Variants in GIGYF2 observed in about 807,000 individuals in gnomAD.
GIGYF2 encodes GRB10-interacting GYF protein 2.
A neutral mutation model predicts 208.1 loss-of-function variants in GIGYF2; 25 were observed. The observed-to-expected ratio is 0.12, with a 90% CI of 0.09 to 0.17. The LOEUF (loss-of-function observed/expected upper bound fraction) is 0.17, where lower values mean the gene tolerates loss of function less well. Among genes scored for constraint, GIGYF2 ranks in the 10% least tolerant of loss-of-function variants. The pLI is 1.00. For missense variants in GIGYF2, 1,302 were observed against 1,579.4 expected (o/e 0.82, Z 2.98); for synonymous variants, 534 against 543.8 (o/e 0.98, Z 0.25).
rs748932223 is a variant in GIGYF2 at position 232,790,743 on chromosome 2, G to A, written c.758G>A (p.Arg253Gln). The change falls in exon 10 of 29, where the codon CGG (arginine) becomes CAG (glutamine). Residue 253 changes from arginine to glutamine, a missense_variant. This residue lies in a region of GIGYF2 where 189 missense variants were observed against 257.7 expected (regional missense o/e 0.73). Coordinates refer to ENST00000373563, the MANE Select transcript of GIGYF2 (RefSeq NM_001103146.3). ...AGWREHMERR[R>Q]RFEFDFRDRD... ...TGGCGGGAACACATGGAACGACGTC[G>A]GAGGTTTGAGTTTGATTTTCGAGAT... 4.3e-6 allele frequency: 7 copies of A among 1,614,106 alleles called. No homozygotes were observed. The highest frequency in any genetic ancestry group is 4.2e-6 in the Non-Finnish European group (5 of 1,180,000).
intron 14 of GIGYF2, among the ~76,000 whole-genome samples, chr2:232,797,525 G>GTGTGTGTGTGTT (rs780771086): frequency 6.6e-6 from 1 of 150,426 alleles, no homozygotes; most frequent in African/African-American, 2.5e-5. Context: ...GTGTGTGTGT[G>GTGTGTGTGTGTT]TTTTAACCAA....
Position 232,847,441 on chromosome 2 carries a change from A to G in GIGYF2, c.3554A>G (p.Lys1185Arg), listed in dbSNP as rs532957085. The change falls in exon 27 of 29, where the codon AAG becomes AGG. Residue 1185 changes from lysine (K) to arginine (R), a missense_variant. Transcript: ENST00000373563. Reference protein sequence around the residue: ...RAYLGDTSEAKEFAKQFLERR... With the variant: ...RAYLGDTSEAREFAKQFLERR... Reference sequence around the variant, plus strand: ...TATTTAGGAGATACTTCTGAGGCCAAGGAGTTTGCCAAGCAGTTCCTTGAG... The same window carrying G: ...TATTTAGGAGATACTTCTGAGGCCAGGGAGTTTGCCAAGCAGTTCCTTGAG... 1 of 1,614,008 alleles carries G rather than the reference A, an allele frequency of 6.2e-7. No homozygotes were observed. The highest frequency in any genetic ancestry group is 1.3e-5 in the African/African-American group (1 of 75,030).
chr2:232,811,367 AT>A lies in GIGYF2; in HGVS notation c.2006+18del. ...TGAAGATGAGGTTGGTGGTCATTCC[AT>A]TATGTGTCATATGGGGTGCATGTGT... On this transcript the variant is annotated intron_variant, in intron 17 of 28. Coordinates refer to ENST00000373563, the MANE Select transcript of GIGYF2 (RefSeq NM_001103146.3). 7.7e-7 allele frequency: 1 copy of A among 1,307,106 alleles called. No homozygotes were observed. The highest frequency in any genetic ancestry group is 1.1e-6 in the Non-Finnish European group (1 of 899,248). 81.0% of individuals were successfully genotyped at this position (1,307,106 alleles called of 1,614,324 possible).
intron 26 of GIGYF2, among the ~76,000 whole-genome samples, chr2:232,847,080 T>G (rs1263541261): frequency 2.0e-5 from 3 of 152,216 alleles, no homozygotes; most frequent in Non-Finnish European, 4.4e-5. Flanking sequence ...AATCCCCAAA[T>G]TACTTCAGCC....
intron 21 of GIGYF2, among the ~76,000 whole-genome samples, chr2:232,824,123 C>A (rs1428419647): frequency 6.6e-6 from 1 of 152,202 alleles, no homozygotes; most frequent in Non-Finnish European, 1.5e-5. Flanking sequence ...TGTCTCTCTT[C>A]CTCTCCTTCG....
At chr2:232,756,787 A>G (rs755971962) in intron 6 of GIGYF2, among the ~76,000 whole-genome samples, 2 of 152,324 alleles carry the variant, frequency 1.3e-5, no homozygotes, top group South Asian at 4.1e-4. Flanking sequence ...TAGGACATTT[A>G]GGGGTAGAAA....
chr2:232,735,821 G>A (rs1697710310), intron 3 of GIGYF2: 5 of 985,512 alleles, frequency 5.1e-6, no homozygotes, highest in Non-Finnish European at 6.0e-6. Flanking sequence ...TCACATTGTA[G>A]TGTGGCTTCC....
chr2:232,814,565 A>AACCCCCC (rs1700847572), intron 18 of GIGYF2, among the ~76,000 whole-genome samples: 1 of 75,946 alleles, frequency 1.3e-5, no homozygotes, highest in African/African-American at 4.7e-5. Flanking sequence ...TCCACCTCAA[A>AACCCCCC]CCCCCCCCCC....
At position 232,816,974 on chromosome 2, in the gene GIGYF2, G is replaced by A. The variant is rs751897275; in HGVS notation, c.2312G>A (p.Arg771Gln). The A allele has an allele frequency of 2.2e-5, 36 of 1,612,888 alleles. No homozygotes were observed. The South Asian group carries it at 2.4e-4, about 11-fold the overall frequency. Residue 771 changes from arginine (R) to glutamine (Q), a missense_variant, in exon 20 of 29, where the codon CGA becomes CAA. Physicochemically the swap from Arg to Gln is conservative, Grantham distance 43 (BLOSUM62 1). Coordinates refer to ENST00000373563, the MANE Select transcript of GIGYF2 (RefSeq NM_001103146.3). ...AGACAACAGGAGGAAATTCTTCGGC[G>A]ACAGCAGGAAGAAGAAAGGAAAAGG... is the stretch of plus-strand genomic sequence containing the variant. ...LRRQQEEILR[R>Q]QQEEERKRRE...
intron 14 of GIGYF2, among the ~76,000 whole-genome samples, chr2:232,799,761 C>T (rs1440562465): frequency 2.0e-5 from 3 of 151,942 alleles, no homozygotes; most frequent in Admixed American, 1.3e-4. Context: ...AAAAACAGTC[C>T]ACAAGGGTTT....
At chr2:232,769,607 GGACT>G (rs1393860837) in intron 8 of GIGYF2, among the ~76,000 whole-genome samples, 5 of 152,008 alleles carry the variant, frequency 3.3e-5, no homozygotes, top group African/African-American at 4.8e-5. Flanking sequence ...GGGCAGGGGA[GGACT>G]GACTATCAGG....
intron 2 of GIGYF2, among the ~76,000 whole-genome samples, chr2:232,726,627 T>A (rs906305421): frequency 6.6e-6 from 1 of 152,048 alleles, no homozygotes; most frequent in African/African-American, 2.4e-5. Flanking sequence ...TTTTTTTAGT[T>A]TTTAAATAGG....
chr2:232,718,303 T>C (rs1208502148), intron 2 of GIGYF2, among the ~76,000 whole-genome samples: 2 of 152,282 alleles, frequency 1.3e-5, no homozygotes. Flanking sequence ...TCACCGTTGT[T>C]GGTCAGGCTG....
chr2:232,836,058 C>T (rs976034333), intron 22 of GIGYF2, among the ~76,000 whole-genome samples: 2 of 151,108 alleles, frequency 1.3e-5, no homozygotes, highest in African/African-American at 4.9e-5. Context: ...AAAAAACCTG[C>T]GAGTTAGCCC....
At chr2:232,772,941 T>C (rs1175368530) in intron 8 of GIGYF2, among the ~76,000 whole-genome samples, 2 of 152,138 alleles carry the variant, frequency 1.3e-5, no homozygotes, top group African/African-American at 4.8e-5. Context: ...GCCACCTGGG[T>C]ATATACAACT....
chr2:232,706,829 G>A (rs1696134826), intron 2 of GIGYF2, among the ~76,000 whole-genome samples: 1 of 151,546 alleles, frequency 6.6e-6, no homozygotes, highest in Non-Finnish European at 1.5e-5. Context: ...GTGTGGTAAT[G>A]CATGCCTTGG....
At chr2:232,842,689 C>T (rs1428738985) in intron 23 of GIGYF2, among the ~76,000 whole-genome samples, 1 of 152,144 alleles carries the variant, frequency 6.6e-6, no homozygotes, top group Non-Finnish European at 1.5e-5. Context: ...ATGGGCTTTC[C>T]TATAATAGAT....
At chr2:232,829,161 AT>A (rs1044855231) in intron 21 of GIGYF2, among the ~76,000 whole-genome samples, 16 of 152,202 alleles carry the variant, frequency 1.1e-4, no homozygotes, top group African/African-American at 3.9e-4. Flanking sequence ...AAATGTTAGT[AT>A]TTGCTCTTGT....
intron 8 of GIGYF2, chr2:232,768,039 TAGCTC>T (rs1261792182): frequency 9.8e-6 from 7 of 713,372 alleles, no homozygotes; most frequent in Non-Finnish European, 1.6e-5. Context: ...TGTGTATTGT[TAGCTC>T]AGCCATTCTT....
Sources: allele counts gnomAD v4.1 joint callset (sites outside exome capture counted in the v4.1 genomes callset), GRCh38; gene constraint gnomAD v4.1.1; regional missense constraint gnomAD v4.1.1; transcripts MANE v1.5; gene names NCBI Gene and HGNC (gene_info 2026-07-23, HGNC 2026-07-21).